The following PTPRD variants were observed in gnomAD, a reference collection of about 807,000 sequenced individuals.
PTPRD encodes receptor-type tyrosine-protein phosphatase delta.
Under a neutral mutation model 214.5 loss-of-function variants are expected in PTPRD, and 34 were observed. That is an observed-to-expected ratio of 0.16 (90% CI 0.12 to 0.21). The LOEUF is 0.21. PTPRD is among the 10% of genes least tolerant of loss of function. The pLI is 1.00. For missense variants in PTPRD, 2,545 were observed against 2,398.7 expected, an observed-to-expected ratio of 1.06 and a Z score of -1.27; for synonymous variants, 1,128 against 845.7, an observed-to-expected ratio of 1.33 and a Z score of -5.79.
chr9:8,425,168 A>G (rs73640913), intron 35 of PTPRD, among the ~76,000 whole-genome samples: 4,558 of 152,280 alleles, frequency 0.03, 234 homozygotes, highest in African/African-American at 0.1. Context: ...AGTCATCCCT[A>G]TGATGCTGGG....
At chr9:9,823,710 G>A (rs968613642) in intron 5 of PTPRD, among the ~76,000 whole-genome samples, 1 of 152,030 alleles carries the variant, frequency 6.6e-6, no homozygotes, top group Non-Finnish European at 1.5e-5. Flanking sequence ...GTAGAATAAT[G>A]ACTACCAGAG....
chr9:8,317,962 G>T lies in PTPRD; in HGVS notation c.5671-20C>A. The T allele has an allele frequency of 6.2e-7, 1 of 1,607,302 alleles. No homozygotes were observed. Among genetic ancestry groups the T allele is most frequent in the Non-Finnish European group, 8.5e-7 (1 of 1,174,764 alleles). ...TTGATCCTGCAGGAGACAATGAATGGGGAGAAGCAAAAGAAGGGACCATGA... is the reference window on the plus strand; with the variant it reads ...TTGATCCTGCAGGAGACAATGAATGTGGAGAAGCAAAAGAAGGGACCATGA... On this transcript the variant is annotated intron_variant, in intron 45 of 45. Coordinates refer to ENST00000381196, the MANE Select transcript of PTPRD (RefSeq NM_002839.4).
chr9:9,985,401 C>T (rs1004423864), intron 4 of PTPRD, among the ~76,000 whole-genome samples: 6 of 152,134 alleles, frequency 3.9e-5, no homozygotes, highest in African/African-American at 1.4e-4. Flanking sequence ...TGAACTGTAG[C>T]CATTACTACT....
intron 11 of PTPRD, among the ~76,000 whole-genome samples, chr9:8,801,542 C>A (rs1238286116): frequency 1.3e-5 from 2 of 152,002 alleles, no homozygotes; most frequent in African/African-American, 4.8e-5. Flanking sequence ...CAGGGAGAAA[C>A]CCCGTCTCTA....
At chr9:9,153,912 T>A (rs929443415) in intron 10 of PTPRD, among the ~76,000 whole-genome samples, 3 of 152,176 alleles carry the variant, frequency 2.0e-5, no homozygotes, top group Admixed American at 6.5e-5. Flanking sequence ...GTGAGGCAGA[T>A]GGTGTTATTG....
chr9:9,886,784 T>G (rs902046051), intron 5 of PTPRD, among the ~76,000 whole-genome samples: 2 of 152,122 alleles, frequency 1.3e-5, no homozygotes, highest in African/African-American at 2.4e-5. Flanking sequence ...TAAGTTACCA[T>G]ACATTTTGTT....
chr9:10,584,112 T>G (rs529618762), intron 2 of PTPRD, among the ~76,000 whole-genome samples: 18 of 151,946 alleles, frequency 1.2e-4, no homozygotes, highest in African/African-American at 4.4e-4. Flanking sequence ...GTGTTGGCAC[T>G]TGAAATCCTT....
chr9:10,582,789 T>C (rs113518805), intron 2 of PTPRD, among the ~76,000 whole-genome samples: 3,379 of 152,304 alleles, frequency 0.022, 54 homozygotes, highest in South Asian at 0.064. Flanking sequence ...TTGAGATAAA[T>C]ACTGTGCAGA....
At chr9:9,839,496 G>C (rs1403958843) in intron 5 of PTPRD, among the ~76,000 whole-genome samples, 1 of 151,960 alleles carries the variant, frequency 6.6e-6, no homozygotes, top group Non-Finnish European at 1.5e-5. Flanking sequence ...AACTTACAAG[G>C]GACATGAAGG....
intron 2 of PTPRD, among the ~76,000 whole-genome samples, chr9:10,607,541 T>A (rs1333018145): frequency 6.6e-6 from 1 of 151,834 alleles, no homozygotes; most frequent in Non-Finnish European, 1.5e-5. Context: ...ATTGGCTATA[T>A]TTTACAATTT....
At chr9:10,032,766 C>T (rs1003204151) in intron 4 of PTPRD, among the ~76,000 whole-genome samples, 2 of 151,832 alleles carry the variant, frequency 1.3e-5, no homozygotes, top group African/African-American at 4.8e-5. Flanking sequence ...ATTGGGATTC[C>T]CAAAATTTTA....
At chr9:8,526,542 C>A in intron 17 of PTPRD, 85 bp downstream of exon 17, 6 of 1,249,252 alleles carry the variant, frequency 4.8e-6, no homozygotes, top group South Asian at 1.9e-5. Context: ...TGGAATGACG[C>A]TGAAAACAGG....
chr9:8,501,492 T>C (rs2097405670), intron 23 of PTPRD, among the ~76,000 whole-genome samples: 1 of 152,192 alleles, frequency 6.6e-6, no homozygotes, highest in Non-Finnish European at 1.5e-5. Context: ...AAGCTTTCAC[T>C]TCTATATTCT....
At chr9:10,495,317 CAT>C (rs2041713630) in intron 2 of PTPRD, among the ~76,000 whole-genome samples, 1 of 151,748 alleles carries the variant, frequency 6.6e-6, no homozygotes, top group African/African-American at 2.4e-5. Context: ...ACTTGAGAGA[CAT>C]AAGGAAAGAC....
chr9:9,280,253 T>A (rs551952005), intron 9 of PTPRD, among the ~76,000 whole-genome samples: 1 of 151,254 alleles, frequency 6.6e-6, no homozygotes, highest in Non-Finnish European at 1.5e-5. Flanking sequence ...GAGTGACTTG[T>A]AGAGTATAAT....
chr9:8,327,555 C>T (rs1835172682), intron 44 of PTPRD, among the ~76,000 whole-genome samples: 1 of 152,116 alleles, frequency 6.6e-6, no homozygotes, highest in Non-Finnish European at 1.5e-5. Context: ...ATTAGGTCTG[C>T]TTGGTCCAGA....
intron 2 of PTPRD, among the ~76,000 whole-genome samples, chr9:10,545,737 G>A (rs80266864): frequency 0.033 from 4,958 of 152,166 alleles, 242 homozygotes; most frequent in African/African-American, 0.11. Flanking sequence ...AGTTTTCTCT[G>A]GAAGAACCCC....
chr9:9,790,765 T>G (rs148463929), intron 5 of PTPRD, among the ~76,000 whole-genome samples: 332 of 152,338 alleles, frequency 2.2e-3, no homozygotes, highest in African/African-American at 7.6e-3. Context: ...AATTGTCTAA[T>G]GAATCTCTTC....
intron 14 of PTPRD, among the ~76,000 whole-genome samples, chr9:8,528,984 C>T (rs1305672279): frequency 1.3e-5 from 2 of 152,052 alleles, no homozygotes; most frequent in Non-Finnish European, 2.9e-5. Flanking sequence ...CAGACTAACA[C>T]AGAGCTCAGA....
Sources: gnomAD v4.1 joint callset for allele counts (sites outside exome capture counted in the v4.1 genomes callset) on GRCh38, gnomAD v4.1.1 for gene constraint, MANE v1.5 for transcripts, NCBI Gene and HGNC (gene_info 2026-07-23, HGNC 2026-07-21) for gene names.